Variants in STIMATE observed in about 807,000 individuals in gnomAD.
STIMATE encodes store-operated calcium entry regulator STIMATE.
Under a neutral mutation model 36.7 loss-of-function variants are expected in STIMATE, and 15 were observed. That is an observed-to-expected ratio of 0.41 (90% CI 0.27 to 0.63). The LOEUF (loss-of-function observed/expected upper bound fraction) is 0.63. Ranked by LOEUF, STIMATE falls within the 20% of genes least tolerant of loss-of-function variation. The probability of loss-of-function intolerance (pLI) is 0.32; values close to 1 mark genes in which losing one functional copy is unlikely to be tolerated. For synonymous variants in STIMATE, 163 were observed against 162.3 expected, an observed-to-expected ratio of 1.00 and a Z score of -0.03; for missense variants, 305 against 397.3, an observed-to-expected ratio of 0.77 and a Z score of 1.98.
chr3:52,840,301 C>T lies in STIMATE; in HGVS notation c.*193G>A. 1.7e-6 allele frequency: 1 copy of T among 582,196 alleles called. No individual in the cohort carries two copies. The highest frequency in any genetic ancestry group is 2.9e-6 in the Non-Finnish European group (1 of 343,940). The allele number at this position is 582,196 out of a possible 1,614,324, so 36.1% of individuals were successfully genotyped here. A position where few individuals can be genotyped will look rare whatever the true frequency, so the allele number is the denominator to read the frequency against. ...TGGGGACCTCCAGCCGCCAGTGGCC[C>T]CCTCGGGCGCTGGCTCCTCTTCCCT... On this transcript the variant is annotated 3_prime_UTR_variant, in exon 8 of 8. Coordinates refer to ENST00000355083, the MANE Select transcript of STIMATE (RefSeq NM_198563.5).
intron 1 of STIMATE, among the ~76,000 whole-genome samples, chr3:52,862,549 T>C (rs932686867): frequency 4.6e-5 from 7 of 152,234 alleles, no homozygotes; most frequent in African/African-American, 1.7e-4. Context: ...GGTGAATATA[T>C]GGAGAGTATA....
intron 1 of STIMATE, among the ~76,000 whole-genome samples, chr3:52,875,155 T>G (rs1187809252): frequency 6.6e-6 from 1 of 152,236 alleles, no homozygotes; most frequent in Non-Finnish European, 1.5e-5. Context: ...AAATGTTCAT[T>G]GTGTATGTTT....
intron 1 of STIMATE, among the ~76,000 whole-genome samples, chr3:52,893,608 C>G (rs962131151): frequency 6.6e-6 from 1 of 152,140 alleles, no homozygotes; most frequent in Non-Finnish European, 1.5e-5. Flanking sequence ...GAGAAAACCC[C>G]AGAAACTCTC....
rs1477068977 is a variant in STIMATE at position 52,840,565 on chromosome 3, C to T, written c.814G>A (p.Glu272Lys). The T allele has an allele frequency of 6.2e-7, 1 of 1,613,908 alleles. No individual in the cohort carries two copies. The highest frequency in any genetic ancestry group is 1.7e-5 in the Admixed American group (1 of 60,000). Residue 272 changes from glutamate to lysine, a missense_variant, in exon 8 of 8, where the codon GAG becomes AAG. Around this residue, in one of 3 missense-constraint regions of STIMATE, gnomAD observed 84 missense variants for 82.4 expected, o/e 1.02. Transcript: ENST00000355083. ...AGGGGGGTCAGTCTGCGGAGGTCCTCCTCCACGTCGGACTCCTCCATCTCA... is the reference window on the plus strand; with the variant it reads ...AGGGGGGTCAGTCTGCGGAGGTCCTTCTCCACGTCGGACTCCTCCATCTCA... ...DDEMEESDVE[E>K]DLRRLTPLKP... is the part of the protein sequence containing the mutation.
Position 52,868,605 on chromosome 3 carries a change from G to A in STIMATE, c.161-13161C>T, listed in dbSNP as rs575581710. 8.5e-5 allele frequency among the ~76,000 whole-genome samples: 13 copies of A among 152,208 alleles called. 1 individual carries two copies. In the East Asian group the frequency reaches 1.2e-3, roughly 14 times the overall value. The stretch of plus-strand genomic sequence containing the variant: ...CTGTCACCACCTATTGAGTACTCAC[G>A]TCAGGAACTTGATTATTTTATTATT... On this transcript the variant is annotated intron_variant, in intron 1 of 7. Transcript: ENST00000355083.
At chr3:52,843,048 A>G in intron 6 of STIMATE, 88 bp from the exon 7 acceptor site, 1 of 1,573,850 alleles carries the variant, frequency 6.4e-7, no homozygotes, top group African/African-American at 1.4e-5. Flanking sequence ...CTCCCATTCC[A>G]GGTTATAAGA....
rs1445385042 is a variant in STIMATE, at chr3:52,871,071, A to G, written c.161-15627T>C. ...CACATCCTGCTCCCTTCATCGTTGC[A>G]TTAGGAGGCAATTCAATCAAGTACC... On this transcript the variant is annotated intron_variant, in intron 1 of 7. Transcript: ENST00000355083. 9.2e-5 allele frequency among the ~76,000 whole-genome samples: 14 copies of G among 152,252 alleles called. No individual in the cohort carries two copies. In the South Asian group the frequency reaches 2.9e-3, roughly 32 times the overall value.
At chr3:52,847,518 C>T (rs149054898) in intron 4 of STIMATE, 798 of 1,289,756 alleles carry the variant, frequency 6.2e-4, no homozygotes, top group Middle Eastern at 4.0e-3. Flanking sequence ...CCCTGAGTCC[C>T]GCATTCTCAT....
chr3:52,847,219 G>A (rs1700923486), intron 4 of STIMATE: 1 of 1,137,050 alleles, frequency 8.8e-7, no homozygotes, highest in Admixed American at 4.3e-5. Flanking sequence ...GACCTTGTGT[G>A]TCTTGCTTTT....
rs956984764 is a variant in STIMATE, at chr3:52,855,411, C to T, written c.194G>A (p.Arg65His). 1 of 1,613,478 alleles carries T rather than the reference C, an allele frequency of 6.2e-7. No homozygotes were observed. The highest frequency in any genetic ancestry group is 8.5e-7 in the Non-Finnish European group (1 of 1,179,932). Reference sequence around the variant, plus strand: ...AAACACATACCATATCCTCCACGGACGTCTTTCATGCTTTGGTTCTCTGAA... The same window carrying T: ...AAACACATACCATATCCTCCACGGATGTCTTTCATGCTTTGGTTCTCTGAA... ...KRFREPKHER[R>H]PWRIWFLDTS... is the part of the protein sequence containing the mutation. The change falls in exon 2 of 8, where the codon CGT becomes CAT. Residue 65 changes from arginine to histidine, a missense_variant. This residue lies in a region of STIMATE where 164 missense variants were observed against 257.9 expected (regional missense o/e 0.64). Coordinates refer to ENST00000355083, the MANE Select transcript of STIMATE (RefSeq NM_198563.5).
rs1255386442 is a variant in STIMATE, at chr3:52,842,793, G to A, written c.768+18C>T. 6.2e-7 allele frequency: 1 copy of A among 1,613,812 alleles called. No homozygotes were observed. The highest frequency in any genetic ancestry group is 8.5e-7 in the Non-Finnish European group (1 of 1,180,006). ...CGATACGACGGCTTGGGCCCTTGGA[G>A]AGTCAGGGAGGCCCTACCTCAGACT... On this transcript the variant is annotated intron_variant, in intron 7 of 7. Transcript: ENST00000355083.
chr3:52,888,722 G>A (rs998403324), intron 1 of STIMATE, among the ~76,000 whole-genome samples: 6 of 152,224 alleles, frequency 3.9e-5, no homozygotes, highest in Non-Finnish European at 7.3e-5. Context: ...GCTTGGCAGA[G>A]GAAGCATTTT....
chr3:52,847,673 C>G (rs994998297), intron 4 of STIMATE: 1 of 665,372 alleles, frequency 1.5e-6, no homozygotes, highest in Non-Finnish European at 2.3e-6. Flanking sequence ...GGTGGAATAA[C>G]AGCCCCACAC....
chr3:52,876,668 C>T (rs1701507208), intron 1 of STIMATE, among the ~76,000 whole-genome samples: 1 of 152,234 alleles, frequency 6.6e-6, no homozygotes, highest in African/African-American at 2.4e-5. Context: ...GATACATTTT[C>T]TCTTCCTTAT....
At chr3:52,853,524 C>T (rs1701045181) in intron 2 of STIMATE, among the ~76,000 whole-genome samples, 1 of 152,180 alleles carries the variant, frequency 6.6e-6, no homozygotes, top group African/African-American at 2.4e-5. Flanking sequence ...TGGGCAGGGT[C>T]TCAGGACTGC....
In STIMATE at chr3:52,844,951, C is replaced by T. The variant is rs780826799; in HGVS notation, c.428-10G>A. On this transcript the variant is annotated splice_polypyrimidine_tract_variant and intron_variant, in intron 4 of 7. Transcript: ENST00000355083. The stretch of plus-strand genomic sequence containing the variant: ...CACTGCAGAGGGTCTCCTGCAGGGA[C>T]AGGCGGGTGCTTAGTCACATGGGGC... 1 of 1,612,392 alleles carries T rather than the reference C, an allele frequency of 6.2e-7. No homozygotes were observed. The highest frequency in any genetic ancestry group is 1.7e-5 in the Admixed American group (1 of 59,980).
At chr3:52,847,099 G>T (rs1488867393) in intron 4 of STIMATE, 13 of 512,598 alleles carry the variant, frequency 2.5e-5, no homozygotes, top group Non-Finnish European at 3.3e-5. Context: ...TTGTAGAGAC[G>T]GGATCTTGCT....
intron 1 of STIMATE, among the ~76,000 whole-genome samples, chr3:52,880,962 G>C (rs1321046635): frequency 6.6e-6 from 1 of 152,204 alleles, no homozygotes; most frequent in Non-Finnish European, 1.5e-5. Context: ...GCCAAGGCAG[G>C]TGGATCACTT....
chr3:52,863,894 T>C (rs1701259303), intron 1 of STIMATE, among the ~76,000 whole-genome samples: 2 of 152,268 alleles, frequency 1.3e-5, no homozygotes, highest in Admixed American at 6.5e-5. Flanking sequence ...ATCCAGGTCA[T>C]GCTGATTCAA....
Sources: gnomAD v4.1 joint callset for allele counts (sites outside exome capture counted in the v4.1 genomes callset) on GRCh38, gnomAD v4.1.1 for gene constraint, gnomAD v4.1.1 regional missense constraint, MANE v1.5 for transcripts, NCBI Gene and HGNC (gene_info 2026-07-23, HGNC 2026-07-21) for gene names.